TRAPPC9: variants seen among roughly 807,000 people sequenced by gnomAD.
The protein encoded by TRAPPC9 is trafficking protein particle complex subunit 9.
TRAPPC9 carries 83 observed loss-of-function variants against 124.0 expected under a neutral mutation model. That is an observed-to-expected ratio of 0.67 (90% CI 0.56 to 0.80). The LOEUF (loss-of-function observed/expected upper bound fraction) is 0.80, where lower values mean the gene tolerates loss of function less well. TRAPPC9 is among the 30% of genes least tolerant of loss of function. TRAPPC9 has a pLI of 0.00. For synonymous variants in TRAPPC9, 638 were observed against 617.5 expected, an observed-to-expected ratio of 1.03 and a Z score of -0.49; for missense variants, 1,302 against 1,508.3, an observed-to-expected ratio of 0.86 and a Z score of 2.27.
chr8:140,365,216 T>C (rs1466542747), intron 8 of TRAPPC9, among the ~76,000 whole-genome samples: 1 of 151,718 alleles, frequency 6.6e-6, no homozygotes, highest in Non-Finnish European at 1.5e-5. Context: ...AGTAAACGAG[T>C]GTAAACTAGT....
chr8:139,956,073 C>T (rs185681942), intron 19 of TRAPPC9, among the ~76,000 whole-genome samples: 108 of 152,304 alleles, frequency 7.1e-4, no homozygotes, highest in African/African-American at 2.4e-3. Context: ...GAACCAGCTC[C>T]GATGCTCCTC....
At chr8:139,871,963 G>A (rs546320468) in intron 21 of TRAPPC9, among the ~76,000 whole-genome samples, 1 of 152,356 alleles carries the variant, frequency 6.6e-6, no homozygotes, top group East Asian at 1.9e-4. Flanking sequence ...TAGGCTGGTG[G>A]ATAAGCTGGT....
At chr8:140,390,835 C>T (rs957810803) in intron 7 of TRAPPC9, among the ~76,000 whole-genome samples, 4 of 152,216 alleles carry the variant, frequency 2.6e-5, no homozygotes, top group African/African-American at 9.6e-5. Flanking sequence ...CCCCATCCAA[C>T]AGTTTCTTTG....
At chr8:140,176,803 A>G (rs2062080942) in intron 17 of TRAPPC9, among the ~76,000 whole-genome samples, 1 of 152,188 alleles carries the variant, frequency 6.6e-6, no homozygotes, top group African/African-American at 2.4e-5. Flanking sequence ...GTTACTCTGT[A>G]GCCTCACCAA....
intron 21 of TRAPPC9, among the ~76,000 whole-genome samples, chr8:139,804,168 A>C (rs1823793104): frequency 9.6e-6 from 1 of 104,272 alleles, no homozygotes; most frequent in African/African-American, 3.5e-5. Context: ...ACCAAGCACC[A>C]CCACCACCAC....
At chr8:140,262,442 T>G (rs1238288019) in intron 15 of TRAPPC9, among the ~76,000 whole-genome samples, 2 of 151,154 alleles carry the variant, frequency 1.3e-5, no homozygotes, top group Non-Finnish European at 2.9e-5. Flanking sequence ...TCAGCTTATT[T>G]TGTAAACTTC....
intron 9 of TRAPPC9, among the ~76,000 whole-genome samples, chr8:140,337,423 G>A (rs2067071935): frequency 6.6e-6 from 1 of 152,190 alleles, no homozygotes; most frequent in Admixed American, 6.5e-5. Flanking sequence ...AACATTCTAA[G>A]AAGATAAATA....
chr8:140,428,289 A>C (rs537275208), intron 4 of TRAPPC9, among the ~76,000 whole-genome samples: 61 of 152,356 alleles, frequency 4.0e-4, no homozygotes, highest in African/African-American at 1.4e-3. Flanking sequence ...AACTTGTAAG[A>C]GACCAGTGTA....
chr8:140,021,764 G>C (rs1354129786), intron 18 of TRAPPC9, among the ~76,000 whole-genome samples: 1 of 152,176 alleles, frequency 6.6e-6, no homozygotes, highest in Non-Finnish European at 1.5e-5. Flanking sequence ...TACATGTAAT[G>C]TTAAGGGACC....
chr8:139,785,609 G>C (rs1342312779), intron 21 of TRAPPC9, among the ~76,000 whole-genome samples: 1 of 150,620 alleles, frequency 6.6e-6, no homozygotes, highest in African/African-American at 2.4e-5. Context: ...GGCACCTGCA[G>C]TACCAGCTAC....
chr8:140,093,649 G>C (rs914535219), intron 17 of TRAPPC9, among the ~76,000 whole-genome samples: 4 of 146,298 alleles, frequency 2.7e-5, no homozygotes, highest in African/African-American at 1.0e-4. Flanking sequence ...GCCTGGGCGA[G>C]AGAGCACGAC....
At chr8:140,015,232 A>G (rs117652999) in intron 18 of TRAPPC9, among the ~76,000 whole-genome samples, 11 of 152,318 alleles carry the variant, frequency 7.2e-5, no homozygotes, top group Non-Finnish European at 1.6e-4. Context: ...CAGGACATCT[A>G]GATGCCAGCC....
In TRAPPC9 at chr8:139,868,607, T is replaced by C. The variant is rs900893240; in HGVS notation, c.3055+17272A>G. ...GTGAATTTTGAAACCACAGTAACTG[T>C]GTTCTGGTCCTTGCTTTGCAGACTG... On this transcript the variant is annotated intron_variant, in intron 21 of 22. Coordinates refer to ENST00000438773, the MANE Select transcript of TRAPPC9 (RefSeq NM_001160372.4). 6.6e-5 allele frequency among the ~76,000 whole-genome samples: 10 copies of C among 152,232 alleles called. 1 individual carries two copies. Among genetic ancestry groups the C allele is most frequent in the African/African-American group, 2.4e-4 (10 of 41,468 alleles).
Position 140,442,966 on chromosome 8 carries a change from C to G in TRAPPC9, c.585-3769G>C, listed in dbSNP as rs915221612. ...TGGCCAACATGGTGAAACCCCATCT[C>G]TACTAAAAATACAAGAATTAGCTGG... On this transcript the variant is annotated intron_variant, in intron 2 of 22. Coordinates refer to ENST00000438773, the MANE Select transcript of TRAPPC9 (RefSeq NM_001160372.4). Among the ~76,000 whole-genome samples, 3 of 150,338 alleles carry G rather than the reference C, an allele frequency of 2.0e-5. No homozygotes were observed. The East Asian group carries it at 5.9e-4, about 29-fold the overall frequency.
intron 17 of TRAPPC9, among the ~76,000 whole-genome samples, chr8:140,075,525 A>T (rs1204096745): frequency 6.6e-6 from 1 of 152,214 alleles, no homozygotes; most frequent in African/African-American, 2.4e-5. Flanking sequence ...CTCCATTAGG[A>T]GGGTTTCAGC....
intron 7 of TRAPPC9, among the ~76,000 whole-genome samples, chr8:140,371,452 T>G (rs1462714718): frequency 1.3e-5 from 2 of 152,202 alleles, no homozygotes; most frequent in African/African-American, 2.4e-5. Flanking sequence ...GACCTCTACT[T>G]TAAGTTCCTT....
At chr8:140,438,542 C>T (rs372328588) in intron 3 of TRAPPC9, among the ~76,000 whole-genome samples, 7 of 152,062 alleles carry the variant, frequency 4.6e-5, no homozygotes, top group African/African-American at 1.4e-4. Flanking sequence ...CTTCAGAGGA[C>T]GCATGGCAGG....
At chr8:140,053,025 T>TTAAC (rs1171113754) in intron 17 of TRAPPC9, among the ~76,000 whole-genome samples, 1 of 152,042 alleles carries the variant, frequency 6.6e-6, no homozygotes, top group African/African-American at 2.4e-5. Flanking sequence ...CTGACACTAC[T>TTAAC]AAGTAAAGGG....
intron 6 of TRAPPC9, among the ~76,000 whole-genome samples, chr8:140,404,148 ACT>A (rs1396910851): frequency 6.6e-6 from 1 of 152,168 alleles, no homozygotes; most frequent in Non-Finnish European, 1.5e-5. Flanking sequence ...ACATCTTTTC[ACT>A]CTCTATCAGA....
Sources: allele counts gnomAD v4.1 joint callset (sites outside exome capture counted in the v4.1 genomes callset), GRCh38; gene constraint gnomAD v4.1.1; transcripts MANE v1.5; gene names NCBI Gene and HGNC (gene_info 2026-07-23, HGNC 2026-07-21).